TMEM132C: variants seen among roughly 807,000 people sequenced by gnomAD.
The protein encoded by TMEM132C is protein phosphatase 1, regulatory subunit 152.
Under a neutral mutation model 61.4 loss-of-function variants are expected in TMEM132C, and 29 were observed. The ratio of observed to expected loss-of-function variants is 0.47; its 90% confidence interval spans 0.35 to 0.64. The LOEUF (loss-of-function observed/expected upper bound fraction) is 0.64. Among genes scored for constraint, TMEM132C ranks in the 30% least tolerant of loss-of-function variants. The pLI is 0.00. For missense variants in TMEM132C, 1,408 were observed against 1,476.9 expected, an observed-to-expected ratio of 0.95 and a Z score of 0.76; for synonymous variants, 656 against 633.1, an observed-to-expected ratio of 1.04 and a Z score of -0.54.
rs1305517960 is a variant in TMEM132C, at chr12:128,630,514, G to A, written c.1305+14179G>A. ...CCCCCTGACTAACCTGCCTAAAAGA[G>A]CAACCTGGAACCCCTCTGAGCTTTC... is the stretch of plus-strand genomic sequence containing the variant. On this transcript the variant is annotated intron_variant, in intron 4 of 8. Transcript: ENST00000435159. The surrounding 1 kb of genome is among the most constrained non-coding windows in gnomAD (Gnocchi z 4.3). 1.3e-5 allele frequency among the ~76,000 whole-genome samples: 2 copies of A among 152,068 alleles called. No homozygotes were observed. The highest frequency in any genetic ancestry group is 4.8e-5 in the African/African-American group (2 of 41,406).
At chr12:128,644,816 G>T (rs1566000787) in intron 4 of TMEM132C, among the ~76,000 whole-genome samples, 1 of 152,214 alleles carries the variant, frequency 6.6e-6, no homozygotes, top group Non-Finnish European at 1.5e-5. Flanking sequence ...CCTCTGGTCA[G>T]GTGTGTGAGC....
chr12:128,419,623 GTCT>G (rs897766219), intron 2 of TMEM132C, among the ~76,000 whole-genome samples: 10 of 149,808 alleles, frequency 6.7e-5, no homozygotes, highest in Admixed American at 4.7e-4. Flanking sequence ...CTGTTTCCAA[GTCT>G]TCTTCTTTTC....
intron 6 of TMEM132C, 76 bp downstream of exon 6, chr12:128,694,110 A>G (rs189100206): frequency 1.5e-5 from 22 of 1,435,448 alleles, no homozygotes; most frequent in East Asian, 2.5e-5. Context: ...AAAGGACCCA[A>G]TGCTTAAGAG....
At chr12:128,310,760 T>C (rs947186096) in intron 1 of TMEM132C, among the ~76,000 whole-genome samples, 1 of 152,054 alleles carries the variant, frequency 6.6e-6, no homozygotes, top group African/African-American at 2.4e-5. Flanking sequence ...TGGAGAGAAG[T>C]TGATTAATGG....
chr12:128,573,078 T>C (rs1214807723), intron 3 of TMEM132C, among the ~76,000 whole-genome samples: 1 of 152,190 alleles, frequency 6.6e-6, no homozygotes, highest in Non-Finnish European at 1.5e-5. Context: ...GAAATACCAT[T>C]TGACCCAGCC....
chr12:128,540,326 T>G (rs1300994750), intron 2 of TMEM132C, among the ~76,000 whole-genome samples: 1 of 152,236 alleles, frequency 6.6e-6, no homozygotes, highest in Non-Finnish European at 1.5e-5. Context: ...CGATCTTGGC[T>G]CACTGCAACC....
chr12:128,370,146 A>T (rs1873986676), intron 1 of TMEM132C, among the ~76,000 whole-genome samples: 1 of 152,152 alleles, frequency 6.6e-6, no homozygotes, highest in African/African-American at 2.4e-5. Context: ...GCCTGAGCTT[A>T]GATGGGCAGA....
At chr12:128,381,411 C>A (rs188453105) in intron 1 of TMEM132C, among the ~76,000 whole-genome samples, 1 of 152,266 alleles carries the variant, frequency 6.6e-6, no homozygotes, top group South Asian at 2.1e-4. Flanking sequence ...TTGTCCATGC[C>A]GAACACACGT....
rs1870337353 is a variant in TMEM132C, at chr12:128,267,297, G to C, written c.-106G>C. The C allele has an allele frequency of 1.4e-6, 1 of 718,556 alleles. No individual in the cohort carries two copies. The highest frequency in any genetic ancestry group is 1.7e-6 in the Non-Finnish European group (1 of 588,046). The allele number at this position is 718,556 out of a possible 1,614,324, so 44.5% of individuals were successfully genotyped here. A position where few individuals can be genotyped will look rare whatever the true frequency, so the allele number is the denominator to read the frequency against. Reference sequence around the variant, plus strand: ...CAGCAGAGACGCAGCGGGCCCGGCCGACCGGGCTGCGGGAGTGGCCCCGGG... The same window carrying C: ...CAGCAGAGACGCAGCGGGCCCGGCCCACCGGGCTGCGGGAGTGGCCCCGGG... On this transcript the variant is annotated 5_prime_UTR_variant, in exon 1 of 9. Transcript: ENST00000435159.
At chr12:128,606,340 C>G (rs575003063) in intron 3 of TMEM132C, among the ~76,000 whole-genome samples, 1 of 152,368 alleles carries the variant, frequency 6.6e-6, no homozygotes, top group African/African-American at 2.4e-5. Context: ...CCTGGAGCCA[C>G]CGCCTGGGGC....
chr12:128,673,264 G>A (rs1245006212), intron 5 of TMEM132C, among the ~76,000 whole-genome samples: 1 of 152,154 alleles, frequency 6.6e-6, no homozygotes, highest in Admixed American at 6.5e-5. Context: ...TATAAGAAGA[G>A]GAAAAGAGAC....
At chr12:128,357,347 T>A (rs1306987644) in intron 1 of TMEM132C, among the ~76,000 whole-genome samples, 1 of 152,082 alleles carries the variant, frequency 6.6e-6, no homozygotes, top group Non-Finnish European at 1.5e-5. Context: ...CCCGGCTCCA[T>A]CATCCAAAAT....
intron 4 of TMEM132C, among the ~76,000 whole-genome samples, chr12:128,661,040 A>G (rs926868172): frequency 6.6e-6 from 1 of 152,192 alleles, no homozygotes; most frequent in Non-Finnish European, 1.5e-5. Context: ...TAGAAGATAG[A>G]TTGGATAGAT....
intron 2 of TMEM132C, among the ~76,000 whole-genome samples, chr12:128,453,502 T>C (rs920206709): frequency 6.6e-6 from 1 of 152,030 alleles, no homozygotes; most frequent in Non-Finnish European, 1.5e-5. Flanking sequence ...GGAGAACAAA[T>C]GTAGACACTG....
rs117176864 is a variant in TMEM132C at position 128,378,805 on chromosome 12, C to T, written c.86-35927C>T. On this transcript the variant is annotated intron_variant, in intron 1 of 8. Coordinates refer to ENST00000435159, the MANE Select transcript of TMEM132C (RefSeq NM_001136103.3). ...ATCTTGAATTATAGTTCTCATAATC[C>T]CACGTATCGTGGGAGGGACCCAGTG... 5.3e-4 allele frequency among the ~76,000 whole-genome samples: 81 copies of T among 152,236 alleles called. 2 individuals carry two copies. In the East Asian group the frequency reaches 0.011, roughly 21 times the overall value.
chr12:128,525,215 G>A (rs76333134), intron 2 of TMEM132C, among the ~76,000 whole-genome samples: 15,659 of 152,110 alleles, frequency 0.1, 857 homozygotes, highest in South Asian at 0.17. Flanking sequence ...GCCTTTCCAA[G>A]CACTCTATTC....
At chr12:128,382,040 CT>C (rs113830900) in intron 1 of TMEM132C, among the ~76,000 whole-genome samples, 729 of 140,826 alleles carry the variant, frequency 5.2e-3, no homozygotes, top group Middle Eastern at 7.4e-3. Context: ...TTGTTATTCG[CT>C]TTTTTTTTTT....
In TMEM132C at chr12:128,447,875, C is replaced by T. The variant is rs552294641; in HGVS notation, c.974+32255C>T. ...CAGAGTAGCTGGGACTACAGGCGCC[C>T]GCCACCGCGCCCGGCTAATTTTTTG... On this transcript the variant is annotated intron_variant, in intron 2 of 8. Transcript: ENST00000435159. Among the ~76,000 whole-genome samples, 193 of 135,618 alleles carry T rather than the reference C, an allele frequency of 1.4e-3. 20 individuals are homozygous for T. In the South Asian group the frequency reaches 0.037, roughly 26 times the overall value. 89.0% of individuals were successfully genotyped at this position (135,618 alleles called of 152,430 possible). A position where few individuals can be genotyped will look rare whatever the true frequency, so the allele number is the denominator to read the frequency against.
At chr12:128,611,539 G>A (rs546745881) in intron 3 of TMEM132C, among the ~76,000 whole-genome samples, 109 of 152,168 alleles carry the variant, frequency 7.2e-4, no homozygotes, top group African/African-American at 2.2e-3. Context: ...GGAGTGCCAC[G>A]GATCCTGGGC....
Sources: allele counts gnomAD v4.1 joint callset (sites outside exome capture counted in the v4.1 genomes callset), GRCh38; gene constraint gnomAD v4.1.1; non-coding constraint Gnocchi (gnomAD v3.1); transcripts MANE v1.5; gene names NCBI Gene and HGNC (gene_info 2026-07-23, HGNC 2026-07-21).